Variants in KCNIP4 observed in about 807,000 individuals in gnomAD.
KCNIP4 encodes the protein Kv channel-interacting protein 4.
A neutral mutation model predicts 34.0 loss-of-function variants in KCNIP4; 12 were observed. The observed-to-expected ratio is 0.35, with a 90% CI of 0.23 to 0.57. KCNIP4 has a LOEUF of 0.57. KCNIP4 is among the 20% of genes least tolerant of loss of function. KCNIP4 has a pLI of 0.83. For synonymous variants in KCNIP4, 124 were observed against 102.2 expected, an observed-to-expected ratio of 1.21 and a Z score of -1.29; for missense variants, 238 against 311.7, an observed-to-expected ratio of 0.76 and a Z score of 1.78.
chr4:20,738,775 C>T (rs536008061), intron 5 of KCNIP4, among the ~76,000 whole-genome samples: 10 of 152,084 alleles, frequency 6.6e-5, no homozygotes, highest in African/African-American at 1.2e-4. Context: ...GAGTGTGAGC[C>T]GAAGCAGGGT....
intron 1 of KCNIP4, among the ~76,000 whole-genome samples, chr4:20,966,353 G>A (rs1734345535): frequency 6.6e-6 from 1 of 152,122 alleles, no homozygotes; most frequent in African/African-American, 2.4e-5. Context: ...CCTTAATTAT[G>A]TTCAAATATC....
chr4:20,992,183 T>C (rs1311242992), intron 1 of KCNIP4, among the ~76,000 whole-genome samples: 1 of 152,200 alleles, frequency 6.6e-6, no homozygotes, highest in Non-Finnish European at 1.5e-5. Flanking sequence ...TGACTCACAC[T>C]TCCTCATTGC....
chr4:21,279,149 T>G (rs1762619937), intron 1 of KCNIP4, among the ~76,000 whole-genome samples: 1 of 152,196 alleles, frequency 6.6e-6, no homozygotes, highest in Admixed American at 6.5e-5. Flanking sequence ...GGCTTGCCAT[T>G]ACTTTTAATG....
At chr4:20,741,238 A>G (rs1308891561) in intron 5 of KCNIP4, among the ~76,000 whole-genome samples, 1 of 152,172 alleles carries the variant, frequency 6.6e-6, no homozygotes, top group South Asian at 2.1e-4. Flanking sequence ...ACATCTACAG[A>G]ACTCTCCACC....
At chr4:20,797,736 T>A (rs531883014) in intron 3 of KCNIP4, among the ~76,000 whole-genome samples, 7 of 152,240 alleles carry the variant, frequency 4.6e-5, no homozygotes, top group South Asian at 4.1e-4. Context: ...CTCCAGGAGC[T>A]AAGAGCAGTC....
chr4:20,955,699 G>A (rs1440167480), intron 1 of KCNIP4, among the ~76,000 whole-genome samples: 2 of 152,108 alleles, frequency 1.3e-5, no homozygotes, highest in Non-Finnish European at 2.9e-5. Flanking sequence ...AGAGAGGTAA[G>A]TTGAAGCTAT....
chr4:21,652,075 C>T (rs1038300127), intron 1 of KCNIP4, among the ~76,000 whole-genome samples: 1 of 152,126 alleles, frequency 6.6e-6, no homozygotes, highest in African/African-American at 2.4e-5. Context: ...ACCTCTAACA[C>T]TTCTATATTT....
chr4:21,793,416 C>A (rs1720422047), intron 1 of KCNIP4, among the ~76,000 whole-genome samples: 1 of 146,024 alleles, frequency 6.8e-6, no homozygotes, highest in African/African-American at 2.8e-5. Flanking sequence ...TGCCACCATG[C>A]CCGGCTAATT....
At chr4:20,999,529 CG>C (rs1737910153) in intron 1 of KCNIP4, among the ~76,000 whole-genome samples, 1 of 145,456 alleles carries the variant, frequency 6.9e-6, no homozygotes, top group Non-Finnish European at 1.5e-5. Flanking sequence ...TCCTTCAGAA[CG>C]ATCACCGTGG....
At chr4:20,749,606 C>T in intron 5 of KCNIP4, 56 bp downstream of exon 5, 8 of 1,227,878 alleles carry the variant, frequency 6.5e-6, no homozygotes, top group South Asian at 1.4e-5. Flanking sequence ...ACATTTTCCC[C>T]CTAAAAAGAC....
intron 1 of KCNIP4, among the ~76,000 whole-genome samples, chr4:21,782,357 C>A (rs530737124): frequency 6.6e-6 from 1 of 152,306 alleles, no homozygotes; most frequent in South Asian, 2.1e-4. Flanking sequence ...AATCATACAT[C>A]TAGGCACTTA....
intron 1 of KCNIP4, among the ~76,000 whole-genome samples, chr4:21,687,805 T>C (rs1408727801): frequency 1.3e-5 from 2 of 152,172 alleles, no homozygotes; most frequent in Non-Finnish European, 2.9e-5. Flanking sequence ...TTGGACTGGA[T>C]GATCAGGAAA....
intron 1 of KCNIP4, among the ~76,000 whole-genome samples, chr4:21,140,502 C>A (rs1057023509): frequency 2.0e-5 from 3 of 152,080 alleles, no homozygotes; most frequent in African/African-American, 4.8e-5. Flanking sequence ...AACGCACCTC[C>A]TCTGTGCCTC....
intron 1 of KCNIP4, among the ~76,000 whole-genome samples, chr4:20,991,087 T>C (rs2149705937): frequency 6.6e-6 from 1 of 152,244 alleles, no homozygotes; most frequent in Non-Finnish European, 1.5e-5. Flanking sequence ...AAAACTACAG[T>C]GTTAGCAGTT....
chr4:21,936,040 T>C (rs1174986119), intron 1 of KCNIP4, among the ~76,000 whole-genome samples: 1 of 151,670 alleles, frequency 6.6e-6, no homozygotes, highest in Non-Finnish European at 1.5e-5. Flanking sequence ...AATAATAGTA[T>C]AGCATATATC....
chr4:20,907,799 G>T (rs1023166248), intron 1 of KCNIP4, among the ~76,000 whole-genome samples: 2 of 148,430 alleles, frequency 1.3e-5, no homozygotes, highest in African/African-American at 5.0e-5. Context: ...CTCACTGCAA[G>T]CTCCGCCTCC....
chr4:20,804,923 T>A (rs1714865011), intron 3 of KCNIP4, among the ~76,000 whole-genome samples: 1 of 152,140 alleles, frequency 6.6e-6, no homozygotes, highest in Non-Finnish European at 1.5e-5. Context: ...TAAATCTAAC[T>A]GACACAATTC....
intron 1 of KCNIP4, among the ~76,000 whole-genome samples, chr4:21,909,747 G>C (rs770167301): frequency 4.6e-5 from 7 of 152,040 alleles, no homozygotes; most frequent in Non-Finnish European, 8.8e-5. Flanking sequence ...AGTTCCAAGT[G>C]GATGGGGAGG....
chr4:21,066,524 T>C (rs1292031457), intron 1 of KCNIP4, among the ~76,000 whole-genome samples: 1 of 141,964 alleles, frequency 7.0e-6, no homozygotes, highest in East Asian at 2.4e-4. Flanking sequence ...ATCCCCCGCA[T>C]CCCCCTCATC....
Sources: allele counts gnomAD v4.1 joint callset (sites outside exome capture counted in the v4.1 genomes callset), GRCh38; gene constraint gnomAD v4.1.1; transcripts MANE v1.5; gene names NCBI Gene and HGNC (gene_info 2026-07-23, HGNC 2026-07-21).